Variants in RPAP3 observed in about 807,000 individuals in gnomAD.
RPAP3 encodes the protein RNA polymerase II-associated protein 3.
Under a neutral mutation model 88.8 loss-of-function variants are expected in RPAP3, and 58 were observed. That is an observed-to-expected ratio of 0.65 (90% CI 0.53 to 0.81). RPAP3 has a LOEUF of 0.81. Among genes scored for constraint, RPAP3 ranks in the 40% least tolerant of loss-of-function variants. The pLI, the probability that RPAP3 is intolerant of heterozygous loss-of-function variation, is 0.00. For missense variants in RPAP3, 751 were observed against 764.3 expected, an observed-to-expected ratio of 0.98 and a Z score of 0.20; for synonymous variants, 255 against 259.9, an observed-to-expected ratio of 0.98 and a Z score of 0.18.
intron 12 of RPAP3, 135 bp downstream of exon 12, chr12:47,679,358 G>C (rs2136620870): frequency 3.6e-6 from 2 of 557,858 alleles, no homozygotes; most frequent in Admixed American, 3.1e-5. Flanking sequence ...TATCAGATCT[G>C]CACGTTGTGC....
At chr12:47,680,749 GA>G (rs1223837921) in intron 10 of RPAP3, among the ~76,000 whole-genome samples, 2 of 149,404 alleles carry the variant, frequency 1.3e-5, no homozygotes, top group African/African-American at 2.5e-5. Context: ...TAAAAACAAA[GA>G]AAAAAAATAG....
rs957760458 is a variant in RPAP3 at position 47,705,967 on chromosome 12, C to G, written c.-22G>C. ...GCCCGCTCACCTGACCAGGCCGTAA[C>G]CCGCCGCACTGCCACCCCGTCAGCC... On this transcript the variant is annotated 5_prime_UTR_variant, in exon 1 of 17. Transcript: ENST00000005386. 6.5e-6 allele frequency: 1 copy of G among 153,126 alleles called. No homozygotes were observed. Among genetic ancestry groups the G allele is most frequent in the East Asian group, 1.9e-4 (1 of 5,244 alleles). 9.5% of individuals were successfully genotyped at this position (153,126 alleles called of 1,614,324 possible).
chr12:47,687,971 T>G lies in RPAP3; in HGVS notation c.769A>C (p.Lys257Gln), dbSNP rs754455964. The part of the protein sequence containing the change: ...ALASKENSYP[K>Q]EADIVIKSTE... Reference sequence around the variant, plus strand: ...GACTTAATCACTATGTCAGCTTCCTTTGGATATGAGTTTTCTTTGGATGCT... The same window carrying G: ...GACTTAATCACTATGTCAGCTTCCTGTGGATATGAGTTTTCTTTGGATGCT... Residue 257 changes from lysine to glutamine, a missense_variant, in exon 8 of 17, where the codon AAG becomes CAG. Physicochemically the swap from Lys to Gln is moderately conservative, Grantham distance 53 (BLOSUM62 1). Transcript: ENST00000005386. 1 of 1,613,222 alleles carries G rather than the reference T, an allele frequency of 6.2e-7. No homozygotes were observed. The highest frequency in any genetic ancestry group is 1.3e-5 in the African/African-American group (1 of 74,888).
intron 12 of RPAP3, among the ~76,000 whole-genome samples, chr12:47,671,702 T>C (rs764147552): frequency 5.3e-5 from 8 of 152,240 alleles, no homozygotes; most frequent in Non-Finnish European, 1.2e-4. Context: ...TGGATATGTG[T>C]ATTAAACCCT....
At chr12:47,693,526 T>G (rs1420229624) in intron 5 of RPAP3, among the ~76,000 whole-genome samples, 1 of 152,200 alleles carries the variant, frequency 6.6e-6, no homozygotes, top group Non-Finnish European at 1.5e-5. Flanking sequence ...GCCACAAACT[T>G]TCGTTTTGTA....
chr12:47,668,310 CTCTAT>C (rs1409452912), intron 14 of RPAP3, among the ~76,000 whole-genome samples: 2 of 152,170 alleles, frequency 1.3e-5, no homozygotes, highest in African/African-American at 4.8e-5. Flanking sequence ...ATGATAATCA[CTCTAT>C]TCTAGTCACA....
At chr12:47,684,378 T>C (rs551551549) in intron 9 of RPAP3, among the ~76,000 whole-genome samples, 1 of 152,330 alleles carries the variant, frequency 6.6e-6, no homozygotes, top group Admixed American at 6.5e-5. Context: ...CTGGTTCTAA[T>C]TAGCTCTAAT....
rs192547738 is a variant in RPAP3, at chr12:47,690,311, C to T, written c.667+207G>A. Among the ~76,000 whole-genome samples, 136 of 152,242 alleles carry T rather than the reference C, an allele frequency of 8.9e-4. 2 individuals are homozygous for T. The East Asian group carries it at 0.023, about 25-fold the overall frequency. ...TGGTCACATAGTTAGTACTTAGTAA[C>T]ATGAGAATTTGAACCAAATTCTGAT... On this transcript the variant is annotated intron_variant, in intron 6 of 16. Coordinates refer to ENST00000005386, the MANE Select transcript of RPAP3 (RefSeq NM_024604.3).
At chr12:47,679,876 G>T in intron 10 of RPAP3, 102 bp from the exon 11 acceptor site, 1 of 808,686 alleles carries the variant, frequency 1.2e-6, no homozygotes, top group Non-Finnish European at 2.0e-6. Context: ...CACATTTTTA[G>T]CTCAAGCAGT....
intron 3 of RPAP3, among the ~76,000 whole-genome samples, chr12:47,700,962 C>T (rs1939643017): frequency 6.6e-6 from 1 of 152,144 alleles, no homozygotes; most frequent in Non-Finnish European, 1.5e-5. Flanking sequence ...TAGAGAGGAG[C>T]AGTATGACTA....
chr12:47,680,111 TACAACAAAGTATTACTCAGCCTTAA>T (rs1939195218), intron 10 of RPAP3, among the ~76,000 whole-genome samples: 1 of 152,128 alleles, frequency 6.6e-6, no homozygotes, highest in Admixed American at 6.6e-5. Context: ...GAGAATTACA[TACAACAAAGTATTACTCAGCCTTAA>T]AAAGGAATGA....
intron 12 of RPAP3, among the ~76,000 whole-genome samples, chr12:47,671,036 A>G (rs1452357518): frequency 2.0e-5 from 3 of 152,232 alleles, no homozygotes; most frequent in African/African-American, 7.2e-5. Context: ...TAATATTCAC[A>G]AAGTTGGTAA....
Position 47,678,850 on chromosome 12 carries a change from A to G in RPAP3, c.1287+643T>C, listed in dbSNP as rs541786894. On this transcript the variant is annotated intron_variant, in intron 12 of 16. Coordinates refer to ENST00000005386, the MANE Select transcript of RPAP3 (RefSeq NM_024604.3). The stretch of plus-strand genomic sequence containing the variant: ...GTGGAAGACAGTGTGGCGATTCCTC[A>G]AGGATCTAGAACTAGAATTACCATT... 2.5e-3 allele frequency among the ~76,000 whole-genome samples: 385 copies of G among 152,344 alleles called. 1 individual carries two copies. Among genetic ancestry groups the G allele is most frequent in the Non-Finnish European group, 4.4e-3 (297 of 68,036 alleles).
chr12:47,684,621 A>G (rs944909980), intron 9 of RPAP3, among the ~76,000 whole-genome samples: 1 of 152,246 alleles, frequency 6.6e-6, no homozygotes, highest in African/African-American at 2.4e-5. Context: ...CTAACTTGGT[A>G]TAATATATTC....
chr12:47,671,901 T>C (rs752130823), intron 12 of RPAP3, among the ~76,000 whole-genome samples: 30 of 151,688 alleles, frequency 2.0e-4, no homozygotes, highest in Non-Finnish European at 3.5e-4. Flanking sequence ...TAGAAAGAAC[T>C]TAAGAAAATA....
intron 5 of RPAP3, among the ~76,000 whole-genome samples, chr12:47,693,771 G>A (rs950001720): frequency 6.6e-6 from 1 of 152,086 alleles, no homozygotes; most frequent in African/African-American, 2.4e-5. Context: ...TGATAAGATG[G>A]TCCAAAAAGA....
At chr12:47,664,534 T>C (rs2136601703) in intron 16 of RPAP3, 1 of 152,362 alleles carries the variant, frequency 6.6e-6, no homozygotes. Context: ...AGCTAACAGT[T>C]ATTAATGATA....
At chr12:47,691,532 C>T (rs900537581) in intron 5 of RPAP3, among the ~76,000 whole-genome samples, 2 of 152,138 alleles carry the variant, frequency 1.3e-5, no homozygotes, top group Non-Finnish European at 2.9e-5. Flanking sequence ...TGTCCAGATC[C>T]ACTAGAGGAA....
Position 47,663,567 on chromosome 12 carries a change from T to C in RPAP3, c.1936A>G (p.Ile646Val), listed in dbSNP as rs922562021. ...CTATCCTTCAATCCTGACTTGTCTA[T>C]GTGATTAAATAATGCACGTGCAACT... ...KKIARALFNH[I>V]DKSGLKDSSV... Residue 646 changes from isoleucine to valine, a missense_variant, in exon 17 of 17, where the codon ATA (isoleucine) becomes GTA (valine). Ile to Val is a conservative substitution (Grantham distance 29). Coordinates refer to ENST00000005386, the MANE Select transcript of RPAP3 (RefSeq NM_024604.3). 5 of 1,583,614 alleles carry C rather than the reference T, an allele frequency of 3.2e-6. No individual in the cohort carries two copies. The African/African-American group carries it at 4.1e-5, about 13-fold the overall frequency.
Sources: gnomAD v4.1 joint callset for allele counts (sites outside exome capture counted in the v4.1 genomes callset) on GRCh38, gnomAD v4.1.1 for gene constraint, MANE v1.5 for transcripts, NCBI Gene and HGNC (gene_info 2026-07-23, HGNC 2026-07-21) for gene names.